The following KLF12 variants were observed in gnomAD, a reference collection of about 807,000 sequenced individuals.
The protein encoded by KLF12 is Krueppel-like factor 12.
In KLF12, 9 loss-of-function variants were observed where a neutral mutation model predicts 37.8. The observed-to-expected ratio is 0.24, with a 90% CI of 0.14 to 0.42. KLF12 has a LOEUF of 0.42. Among genes scored for constraint, KLF12 ranks in the 10% least tolerant of loss-of-function variants. KLF12 has a pLI of 1.00. For synonymous variants in KLF12, 208 were observed against 202.1 expected (o/e 1.03, Z -0.25); for missense variants, 411 against 516.0 (o/e 0.80, Z 1.97).
intron 6 of KLF12, among the ~76,000 whole-genome samples, chr13:73,734,755 T>C (rs143624012): frequency 0.04 from 6,030 of 152,272 alleles, 165 homozygotes; most frequent in Middle Eastern, 0.054. Context: ...GAAGTTAATA[T>C]ACATTATGTC....
chr13:74,166,361 G>C, the KLF12 span, among the ~76,000 whole-genome samples: 1 of 151,986 alleles, frequency 6.6e-6, no homozygotes, highest in Non-Finnish European at 1.5e-5. Flanking sequence ...CAAAGTGCTG[G>C]GATTATAGGC....
intron 5 of KLF12, among the ~76,000 whole-genome samples, chr13:73,805,890 C>T (rs1882584196): frequency 6.6e-6 from 1 of 152,028 alleles, no homozygotes; most frequent in South Asian, 2.1e-4. Flanking sequence ...CTGCAACCTC[C>T]ACCTCCTGGG....
chr13:74,238,017 C>G, the KLF12 span, among the ~76,000 whole-genome samples: 1 of 148,506 alleles, frequency 6.7e-6, no homozygotes, highest in Admixed American at 6.6e-5. Flanking sequence ...TGCCTTGTGC[C>G]AGTTTTCAAA....
At chr13:74,291,676 A>G in the KLF12 span, among the ~76,000 whole-genome samples, 1 of 152,222 alleles carries the variant, frequency 6.6e-6, no homozygotes, top group East Asian at 1.9e-4. Flanking sequence ...TAGGAGAATG[A>G]GATGAGAAAG....
the KLF12 span, among the ~76,000 whole-genome samples, chr13:74,188,437 G>C: frequency 1.8e-4 from 28 of 152,272 alleles, 1 homozygote; most frequent in Middle Eastern, 0.01. Flanking sequence ...ATGATGGAAA[G>C]TTCAACGGTT....
At chr13:73,986,051 C>T (rs1048514087) in intron 2 of KLF12, among the ~76,000 whole-genome samples, 2 of 152,150 alleles carry the variant, frequency 1.3e-5, no homozygotes, top group Non-Finnish European at 2.9e-5. Context: ...ACCTCAAGAG[C>T]TTTTAACGAG....
chr13:73,724,729 A>G (rs2025424), intron 6 of KLF12, among the ~76,000 whole-genome samples: 23,118 of 152,156 alleles, frequency 0.15, 2,869 homozygotes, highest in African/African-American at 0.35. Context: ...AGACATTTAG[A>G]AGATGAGAAA....
intron 2 of KLF12, among the ~76,000 whole-genome samples, chr13:73,947,019 T>C (rs753864609): frequency 1.2e-4 from 19 of 152,232 alleles, no homozygotes; most frequent in Non-Finnish European, 1.9e-4. Flanking sequence ...TTTAAATATG[T>C]ACTAGATTCT....
chr13:74,208,466 G>A, the KLF12 span, among the ~76,000 whole-genome samples: 3 of 151,992 alleles, frequency 2.0e-5, no homozygotes, highest in Admixed American at 6.6e-5. Flanking sequence ...TGCATATTTT[G>A]TCTGGGAATT....
chr13:74,099,492 T>C (rs1343973231), intron 1 of KLF12, among the ~76,000 whole-genome samples: 3 of 152,220 alleles, frequency 2.0e-5, no homozygotes, highest in Non-Finnish European at 4.4e-5. Context: ...TGTAAAATCA[T>C]CAAATCAAAG....
the KLF12 span, among the ~76,000 whole-genome samples, chr13:74,244,712 T>G: frequency 6.6e-6 from 1 of 152,170 alleles, no homozygotes; most frequent in Non-Finnish European, 1.5e-5. Context: ...CCCTTCATAT[T>G]TTTTGGATTC....
chr13:74,278,209 T>A, the KLF12 span, among the ~76,000 whole-genome samples: 1 of 152,202 alleles, frequency 6.6e-6, no homozygotes, highest in African/African-American at 2.4e-5. Context: ...CTATTTGGGC[T>A]GATTATTTCC....
At chr13:74,062,248 CAGTGA>C (rs558118513) in intron 1 of KLF12, among the ~76,000 whole-genome samples, 262 of 152,284 alleles carry the variant, frequency 1.7e-3, no homozygotes, top group Middle Eastern at 3.4e-3. Context: ...TGCTTTTCAT[CAGTGA>C]AGCTCAAAAT....
intron 5 of KLF12, among the ~76,000 whole-genome samples, chr13:73,773,378 C>T (rs139274777): frequency 9.8e-4 from 149 of 152,298 alleles, no homozygotes; most frequent in African/African-American, 3.3e-3. Context: ...TGACCAACGT[C>T]AGGACAGAAA....
intron 1 of KLF12, among the ~76,000 whole-genome samples, chr13:74,009,780 C>T (rs1235527870): frequency 6.6e-6 from 1 of 152,172 alleles, no homozygotes; most frequent in Admixed American, 6.5e-5. Flanking sequence ...TCCAAGCAAA[C>T]ACAGGAGAGT....
At chr13:73,750,600 G>C (rs1056243304) in intron 6 of KLF12, among the ~76,000 whole-genome samples, 1 of 152,130 alleles carries the variant, frequency 6.6e-6, no homozygotes, top group Non-Finnish European at 1.5e-5. Context: ...TGGGTGGGGG[G>C]ACTGCAGGGA....
At chr13:73,964,839 T>A (rs1237638063) in intron 2 of KLF12, among the ~76,000 whole-genome samples, 3 of 151,896 alleles carry the variant, frequency 2.0e-5, no homozygotes, top group Non-Finnish European at 4.4e-5. Context: ...AAAAACATGA[T>A]CAGAATAAAT....
At chr13:73,808,778 G>T (rs1243258409) in intron 5 of KLF12, among the ~76,000 whole-genome samples, 1 of 152,186 alleles carries the variant, frequency 6.6e-6, no homozygotes, top group Non-Finnish European at 1.5e-5. Context: ...ATTGCATGAG[G>T]CAAGACTATG....
chr13:73,748,021 G>A (rs928542635), intron 6 of KLF12, among the ~76,000 whole-genome samples: 27 of 152,170 alleles, frequency 1.8e-4, no homozygotes, highest in Admixed American at 1.8e-3. Context: ...CATTTCTGGT[G>A]AAAACTGACT....
Sources: allele counts gnomAD v4.1 joint callset (sites outside exome capture counted in the v4.1 genomes callset), GRCh38; gene constraint gnomAD v4.1.1; transcripts MANE v1.5; gene names NCBI Gene and HGNC (gene_info 2026-07-23, HGNC 2026-07-21).